GRB2: variants seen among roughly 807,000 people sequenced by gnomAD.
GRB2 encodes the protein growth factor receptor bound protein 2.
A neutral mutation model predicts 27.4 loss-of-function variants in GRB2; 2 were observed. The ratio of observed to expected loss-of-function variants is 0.07; its 90% CI spans 0.03 to 0.23. The LOEUF is 0.23. Ranked by LOEUF, GRB2 falls within the 10% of genes least tolerant of loss-of-function variation. The pLI is 1.00. For synonymous variants in GRB2, 94 were observed against 99.6 expected (o/e 0.94, Z 0.33); for missense variants, 102 against 282.4 (o/e 0.36, Z 4.58).
chr17:75,320,165 A>C lies in GRB2; in HGVS notation c.*203T>G. The C allele has an allele frequency of 3.8e-6, 2 of 519,852 alleles. No homozygotes were observed. The highest frequency in any genetic ancestry group is 1.9e-5 in the African/African-American group (1 of 52,776). 32.2% of individuals were successfully genotyped at this position (519,852 alleles called of 1,614,324 possible). On this transcript the variant is annotated 3_prime_UTR_variant, in exon 6 of 6. Coordinates refer to ENST00000316804, the MANE Select transcript of GRB2 (RefSeq NM_002086.5). This position sits in a 1 kb window ranked among gnomAD's most constrained non-coding sequence, Gnocchi z 4.3. ...AAATTTGTAATAAAAACTCTTCTTA[A>C]TTTATAGGTAAGTTTTGGCATTTTT... is the stretch of plus-strand genomic sequence containing the variant.
chr17:75,318,242 T>TA lies in GRB2; in HGVS notation c.*2125_*2126insT, dbSNP rs2078429425. The TA allele has an allele frequency of 1.3e-5, 2 of 152,156 alleles. No individual in the cohort carries two copies. The highest frequency in any genetic ancestry group is 2.4e-5 in the African/African-American group (1 of 41,394). The allele number at this position is 152,156 out of a possible 1,614,324, so 9.4% of individuals were successfully genotyped here. The stretch of plus-strand genomic sequence containing the variant: ...GCAAGGCTTCATGATATACACCAAT[T>TA]CCAAAATAAAACAATCAAATGGTCC... On this transcript the variant is annotated 3_prime_UTR_variant, in exon 6 of 6. Transcript: ENST00000316804.
chr17:75,336,801 G>A (rs1200739618), intron 2 of GRB2, among the ~76,000 whole-genome samples: 1 of 152,066 alleles, frequency 6.6e-6, no homozygotes, highest in Non-Finnish European at 1.5e-5. Context: ...GGAGTGGCAT[G>A]ATCTCGGCTC....
chr17:75,359,978 T>TTA (rs1178016524), intron 2 of GRB2, among the ~76,000 whole-genome samples: 2 of 142,928 alleles, frequency 1.4e-5, no homozygotes, highest in Non-Finnish European at 1.5e-5. Flanking sequence ...CTTTCTGTCT[T>TTA]AAAAAAAAAA....
chr17:75,373,960 A>AT (rs1012030833), intron 2 of GRB2, among the ~76,000 whole-genome samples: 6 of 151,086 alleles, frequency 4.0e-5, no homozygotes, highest in East Asian at 2.0e-4. Flanking sequence ...TGCCCGGCTA[A>AT]TTTTTTTTGC....
chr17:75,351,764 T>C (rs932363058), intron 2 of GRB2, among the ~76,000 whole-genome samples: 1 of 152,198 alleles, frequency 6.6e-6, no homozygotes, highest in South Asian at 2.1e-4. Context: ...TTCGAGAATA[T>C]AGGTGATATC....
chr17:75,380,758 TA>T (rs1044740211), intron 2 of GRB2, among the ~76,000 whole-genome samples: 13 of 152,192 alleles, frequency 8.5e-5, no homozygotes, highest in African/African-American at 3.1e-4. Flanking sequence ...ATTAACCACT[TA>T]AAAAATAGCA....
chr17:75,386,682 A>G (rs2078965672), intron 2 of GRB2, among the ~76,000 whole-genome samples: 1 of 152,212 alleles, frequency 6.6e-6, no homozygotes, highest in Non-Finnish European at 1.5e-5. Context: ...GAACAAAGCA[A>G]GACTACTGAT....
In GRB2 at chr17:75,322,428, C is replaced by T. The variant is rs148539460; in HGVS notation, c.300-601G>A. The stretch of plus-strand genomic sequence containing the variant: ...CTGAACCCTACCAAATAAAAACAGC[C>T]GTACTTAAGACAAAGGAGTGTGACT... On this transcript the variant is annotated intron_variant, in intron 4 of 5. Coordinates refer to ENST00000316804, the MANE Select transcript of GRB2 (RefSeq NM_002086.5). 2.2e-3 allele frequency among the ~76,000 whole-genome samples: 336 copies of T among 150,834 alleles called. 1 individual carries two copies. The highest frequency in any genetic ancestry group is 8.0e-3 in the African/African-American group (327 of 41,116).
intron 4 of GRB2, among the ~76,000 whole-genome samples, chr17:75,325,572 CA>C (rs1448050925): frequency 2.0e-5 from 3 of 152,170 alleles, no homozygotes; most frequent in Non-Finnish European, 4.4e-5. Context: ...ACAGGCGCTC[CA>C]CTATCCCATT....
At chr17:75,324,688 T>C (rs1470314368) in intron 4 of GRB2, among the ~76,000 whole-genome samples, 1 of 151,922 alleles carries the variant, frequency 6.6e-6, no homozygotes, top group African/African-American at 2.4e-5. Context: ...TGGGTTATTT[T>C]CTATTTTTAG....
intron 2 of GRB2, among the ~76,000 whole-genome samples, chr17:75,374,940 G>T (rs2078882416): frequency 6.6e-6 from 1 of 152,056 alleles, no homozygotes; most frequent in Non-Finnish European, 1.5e-5. Flanking sequence ...AGTCGCTCAG[G>T]TTTATAGTAC....
intron 1 of GRB2, among the ~76,000 whole-genome samples, chr17:75,396,819 A>G (rs542845752): frequency 6.6e-6 from 1 of 152,332 alleles, no homozygotes; most frequent in Non-Finnish European, 1.5e-5. Context: ...GAATATTTAC[A>G]ATGATAGGAA....
chr17:75,404,501 A>G (rs1598261257), intron 1 of GRB2, among the ~76,000 whole-genome samples: 1 of 115,864 alleles, frequency 8.6e-6, no homozygotes, highest in African/African-American at 3.4e-5. Flanking sequence ...ATTACGCCAG[A>G]GTGGGGACTA....
At chr17:75,392,530 A>G (rs1367171472) in intron 2 of GRB2, among the ~76,000 whole-genome samples, 1 of 152,230 alleles carries the variant, frequency 6.6e-6, no homozygotes, top group Admixed American at 6.5e-5. Context: ...ATAAAGAACC[A>G]TATTTCTACA....
In GRB2 at chr17:75,373,906, G is replaced by A. The variant is rs1490046265; in HGVS notation, c.78+19645C>T. On this transcript the variant is annotated intron_variant, in intron 2 of 5. Transcript: ENST00000316804. ...CTTCCCAGGCTCATGCCATTCTCCT[G>A]CCTCAGCCTCCCGAGTAGCTGGGAC... Among the ~76,000 whole-genome samples, 8 of 141,176 alleles carry A rather than the reference G, an allele frequency of 5.7e-5. No homozygotes were observed. The South Asian group carries it at 1.8e-3, about 32-fold the overall frequency. 92.6% of individuals were successfully genotyped at this position (141,176 alleles called of 152,430 possible).
chr17:75,377,597 GAAAAAAA>G (rs60003550), intron 2 of GRB2, among the ~76,000 whole-genome samples: 3 of 53,172 alleles, frequency 5.6e-5, no homozygotes, highest in African/African-American at 1.8e-4. Context: ...CCCTGTCTCA[GAAAAAAA>G]AAAAAAAAAA....
intron 2 of GRB2, among the ~76,000 whole-genome samples, chr17:75,378,130 A>T (rs184686922): frequency 6.6e-4 from 101 of 152,188 alleles, no homozygotes; most frequent in Middle Eastern, 3.4e-3. Context: ...TCACGCCTGT[A>T]ATTCCAGCAC....
chr17:75,400,696 T>G (rs1457164367), intron 1 of GRB2, among the ~76,000 whole-genome samples: 3 of 151,904 alleles, frequency 2.0e-5, no homozygotes, highest in Non-Finnish European at 4.4e-5. Flanking sequence ...TATTTTCAAA[T>G]AAAGACGAGG....
At chr17:75,349,896 T>C (rs2078678864) in intron 2 of GRB2, among the ~76,000 whole-genome samples, 2 of 152,090 alleles carry the variant, frequency 1.3e-5, no homozygotes, top group Admixed American at 6.6e-5. Context: ...GAAAATAAGT[T>C]AATACTTAGT....
Sources: gnomAD v4.1 joint callset for allele counts (sites outside exome capture counted in the v4.1 genomes callset) on GRCh38, gnomAD v4.1.1 for gene constraint, Gnocchi (gnomAD v3.1) non-coding constraint, MANE v1.5 for transcripts, NCBI Gene and HGNC (gene_info 2026-07-23, HGNC 2026-07-21) for gene names.